Variants in NWD1 observed in about 807,000 individuals in gnomAD.
NWD1 encodes NACHT and WD repeat domain containing 1, also known as NACHT domain- and WD repeat-containing protein 1.
NWD1 carries 129 observed loss-of-function variants against 135.1 expected under a neutral mutation model. The ratio of observed to expected loss-of-function variants is 0.96; its 90% CI spans 0.83 to 1.11. The LOEUF (loss-of-function observed/expected upper bound fraction) is 1.11. Ranked by LOEUF, NWD1 falls within the 50% of genes least tolerant of loss-of-function variation. The probability of loss-of-function intolerance (pLI) is 0.00; values close to 1 mark genes in which losing one functional copy is unlikely to be tolerated. For missense variants in NWD1, 1,740 were observed against 1,851.3 expected (o/e 0.94, Z 1.10); for synonymous variants, 773 against 786.0 (o/e 0.98, Z 0.28).
Position 16,749,294 on chromosome 19 carries a change from G to A in NWD1, c.652G>A (p.Ala218Thr), listed in dbSNP as rs706764. ...CCGGCTCGCGGATGGCTGCCTGGAC[G>A]CTGATGCCCAGAACCTTCTCAGCAG... ...VDRLADGCLD[A>T]DAQNLLSSLK... The change falls in exon 6 of 19, where the codon GCT becomes ACT. Residue 218 changes from alanine (A) to threonine (T), a missense_variant. Ala to Thr is a moderately conservative substitution (Grantham distance 58). Coordinates refer to ENST00000524140, the MANE Select transcript of NWD1 (RefSeq NM_001007525.5). 1 allele frequency: 1,611,043 copies of A among 1,613,994 alleles called. 804,152 individuals carry two copies. Among genetic ancestry groups the A allele is most frequent in the Non-Finnish European group, 1 (1,179,999 of 1,180,030 alleles).
chr19:16,773,612 T>C (rs1280176612), intron 11 of NWD1, among the ~76,000 whole-genome samples: 1 of 152,194 alleles, frequency 6.6e-6, no homozygotes, highest in African/African-American at 2.4e-5. Flanking sequence ...TTTCAGCTAT[T>C]TACAAGCTCA....
chr19:16,768,079 C>T (rs1389854948), intron 10 of NWD1, among the ~76,000 whole-genome samples: 1 of 150,984 alleles, frequency 6.6e-6, no homozygotes, highest in East Asian at 1.9e-4. Context: ...GCAACCTCCA[C>T]CTCCTGGGTT....
Position 16,776,718 on chromosome 19 carries a change from G to A in NWD1, c.2609-2625G>A, listed in dbSNP as rs115788362. On this transcript the variant is annotated intron_variant, in intron 11 of 18. Transcript: ENST00000524140. The stretch of plus-strand genomic sequence containing the variant: ...CCAAGGCAAGAAGATCTCTTGGGCC[G>A]AGATGTTCAAGACCAGCCTGGGCAA... 9.0e-3 allele frequency among the ~76,000 whole-genome samples: 1,297 copies of A among 144,154 alleles called. 23 individuals carry two copies. Among genetic ancestry groups the A allele is most frequent in the African/African-American group, 0.032 (1,239 of 38,632 alleles). The allele number at this position is 144,154 out of a possible 152,430, so 94.6% of individuals were successfully genotyped here. A position where few individuals can be genotyped will look rare whatever the true frequency, so the allele number is the denominator to read the frequency against.
intron 3 of NWD1, 115 bp from the exon 4 acceptor site, chr19:16,736,519 A>C: frequency 1.5e-6 from 1 of 678,232 alleles, no homozygotes; most frequent in South Asian, 1.7e-5. Context: ...ATCCCCCTAC[A>C]GGAAGAGGCT....
intron 11 of NWD1, among the ~76,000 whole-genome samples, chr19:16,776,497 G>A (rs1444385837): frequency 6.6e-6 from 1 of 152,002 alleles, no homozygotes; most frequent in Non-Finnish European, 1.5e-5. Flanking sequence ...GAAACTGGAA[G>A]GCGGAGGTTG....
Position 16,743,478 on chromosome 19 carries a change from G to C in NWD1, c.199-943G>C, listed in dbSNP as rs139139762. ...CTGCCTTGGCCTCCCAAAGTGTTGG[G>C]ATTACAGGCGTGAGCCACCATGCCT... On this transcript the variant is annotated intron_variant, in intron 4 of 18. Coordinates refer to ENST00000524140, the MANE Select transcript of NWD1 (RefSeq NM_001007525.5). Among the ~76,000 whole-genome samples, 1,429 of 152,158 alleles carry C rather than the reference G, an allele frequency of 9.4e-3. 21 individuals are homozygous for C. The highest frequency in any genetic ancestry group is 0.03 in the African/African-American group (1,249 of 41,512).
Position 16,763,942 on chromosome 19 carries a change from C to A in NWD1, c.2248C>A (p.Leu750Met). 6.3e-7 allele frequency: 1 copy of A among 1,594,856 alleles called. No individual in the cohort carries two copies. Among genetic ancestry groups the A allele is most frequent in the Non-Finnish European group, 8.6e-7 (1 of 1,162,526 alleles). Reference protein sequence around the residue: ...GRLEELKQEVLGSMSWISCRG... With the variant: ...GRLEELKQEVMGSMSWISCRG... ...CCTGGAGGAGCTGAAACAGGAGGTTCTGGGTAAGGGCTGCCCCCCATCTCA... is the reference window on the plus strand; with the variant it reads ...CCTGGAGGAGCTGAAACAGGAGGTTATGGGTAAGGGCTGCCCCCCATCTCA... The change falls in exon 9 of 19, where the codon CTG (leucine) becomes ATG (methionine). Residue 750 changes from leucine (L) to methionine (M), a missense_variant. By Grantham distance (15) the Leu-to-Met change is conservative. Transcript: ENST00000524140.
intron 7 of NWD1, among the ~76,000 whole-genome samples, chr19:16,760,039 C>A (rs1433129004): frequency 6.7e-6 from 1 of 149,904 alleles, no homozygotes; most frequent in African/African-American, 2.5e-5. Context: ...CTTGTGGTCC[C>A]AGCTACTTGG....
At chr19:16,722,744 C>T (rs1372318570) in intron 1 of NWD1, among the ~76,000 whole-genome samples, 1 of 151,828 alleles carries the variant, frequency 6.6e-6, no homozygotes, top group Non-Finnish European at 1.5e-5. Flanking sequence ...CCTTGGCTCA[C>T]ACTAGATACT....
rs1328218511 is a variant in NWD1 at position 16,750,067 on chromosome 19, T to C, written c.1425T>C (p.Val475=). The C allele has an allele frequency of 6.2e-7, 1 of 1,613,912 alleles. No homozygotes were observed. Among genetic ancestry groups the C allele is most frequent in the African/African-American group, 1.3e-5 (1 of 75,008 alleles). The change falls in exon 6 of 19, where the codon GTT becomes GTC. Residue 475 remains valine, a synonymous_variant. Coordinates refer to ENST00000524140, the MANE Select transcript of NWD1 (RefSeq NM_001007525.5). The part of the protein sequence containing the change: ...ILSACSGALG[V]LDTLQRVLLD... ...CAGCTTGCTCGGGGGCACTGGGGGT[T>C]TTGGACACCTTGCAGCGGGTGCTCC...
chr19:16,752,542 G>A (rs1338997832), intron 6 of NWD1, among the ~76,000 whole-genome samples: 1 of 126,836 alleles, frequency 7.9e-6, no homozygotes, highest in Non-Finnish European at 1.6e-5. Context: ...TCCGGAGGCT[G>A]AGATGGGAGG....
intron 4 of NWD1, among the ~76,000 whole-genome samples, chr19:16,737,956 C>A (rs1381686775): frequency 1.9e-5 from 2 of 105,972 alleles, no homozygotes; most frequent in Non-Finnish European, 3.6e-5. Flanking sequence ...CAGAGCAAGA[C>A]TCTATCTCGA....
At chr19:16,773,105 G>A (rs745876162) in intron 10 of NWD1, 21 bp from the exon 11 acceptor site, 12 of 1,610,936 alleles carry the variant, frequency 7.4e-6, no homozygotes, top group Non-Finnish European at 8.5e-6. Context: ...AGGCAACTTA[G>A]TCTACATCCC....
At chr19:16,726,448 T>C (rs1310653190) in intron 2 of NWD1, among the ~76,000 whole-genome samples, 1 of 151,590 alleles carries the variant, frequency 6.6e-6, no homozygotes, top group Admixed American at 6.6e-5. Flanking sequence ...TCTTTTTTTC[T>C]TTTTTCTTTT....
intron 14 of NWD1, among the ~76,000 whole-genome samples, chr19:16,793,629 T>G (rs1384960484): frequency 4.6e-5 from 7 of 151,516 alleles, no homozygotes; most frequent in African/African-American, 1.5e-4. Context: ...CAGACTGGAA[T>G]GCAGTGGCGC....
Position 16,799,883 on chromosome 19 carries a change from CAG to C in NWD1, c.3460-2_3460-1del, listed in dbSNP as rs1453667306. The C allele has an allele frequency of 6.3e-7, 1 of 1,594,258 alleles. No homozygotes were observed. Among genetic ancestry groups the C allele is most frequent in the South Asian group, 1.1e-5 (1 of 89,234 alleles). Reference sequence around the variant, plus strand: ...GATCTGCCCTCCTGTTCTGCTTCCTCAGGTGTGGAGTCTGTCAGAACAGGGGA... The same window carrying C: ...GATCTGCCCTCCTGTTCTGCTTCCTCGTGTGGAGTCTGTCAGAACAGGGGA... On this transcript the variant is annotated splice_acceptor_variant, in intron 16 of 18. Transcript: ENST00000524140. LOFTEE classifies it high-confidence loss of function.
rs57075970 is a variant in NWD1, at chr19:16,790,632, T to TAAAA, written c.2941-712_2941-709dup. Among the ~76,000 whole-genome samples the TAAAA allele has an allele frequency of 3.5e-3, 166 of 47,408 alleles. 1 individual carries two copies. The highest frequency in any genetic ancestry group is 4.0e-3 in the Admixed American group (19 of 4,728). The allele number at this position is 47,408 out of a possible 152,430, so 31.1% of individuals were successfully genotyped here. A position where few individuals can be genotyped will look rare whatever the true frequency, so the allele number is the denominator to read the frequency against. On this transcript the variant is annotated intron_variant, in intron 13 of 18. Transcript: ENST00000524140. Reference sequence around the variant, plus strand: ...TGTATCCCAAAACTGAAAGTAACATTAAAAAAAAATAAATAAATAAATAAA... The same window carrying TAAAA: ...TGTATCCCAAAACTGAAAGTAACATTAAAAAAAAAAAAATAAATAAATAAATAAA...
At chr19:16,800,184 T>C (rs758581857) in intron 17 of NWD1, 22 bp downstream of exon 17, 9 of 1,579,170 alleles carry the variant, frequency 5.7e-6, no homozygotes, top group Non-Finnish European at 7.8e-6. Context: ...ATAAGTATGG[T>C]CATTTTTGTG....
chr19:16,729,554 C>A (rs920449948), intron 2 of NWD1, among the ~76,000 whole-genome samples: 3 of 147,154 alleles, frequency 2.0e-5, no homozygotes, highest in Non-Finnish European at 4.4e-5. Context: ...AGCAACATGG[C>A]GAGGCCCCAT....
Sources: gnomAD v4.1 joint callset for allele counts (sites outside exome capture counted in the v4.1 genomes callset) on GRCh38, gnomAD v4.1.1 for gene constraint, MANE v1.5 for transcripts, NCBI Gene and HGNC (gene_info 2026-07-23, HGNC 2026-07-21) for gene names.